Variants in XCR1 observed in about 807,000 individuals in gnomAD.
The protein encoded by XCR1 is chemokine XC receptor 1.
For missense variants in XCR1, 356 were observed against 424.2 expected, an observed-to-expected ratio of 0.84 and a Z score of 1.41; for synonymous variants, 187 against 188.5, an observed-to-expected ratio of 0.99 and a Z score of 0.06.
At chr3:46,065,770 G>A (rs1349957678) in intron 4 of XCR1, among the ~76,000 whole-genome samples, 1 of 152,194 alleles carries the variant, frequency 6.6e-6, no homozygotes, top group Non-Finnish European at 1.5e-5. Flanking sequence ...AATGACCAAG[G>A]TTAGCACTTA....
intron 5 of XCR1, among the ~76,000 whole-genome samples, chr3:46,049,198 G>A (rs773656450): frequency 6.6e-5 from 10 of 152,152 alleles, no homozygotes; most frequent in Non-Finnish European, 1.5e-4. Context: ...ATTTCATTTG[G>A]AGCCAAACCT....
intron 1 of XCR1, among the ~76,000 whole-genome samples, chr3:46,078,388 T>C (rs1698298215): frequency 1.3e-5 from 2 of 152,162 alleles, no homozygotes; most frequent in Admixed American, 6.5e-5. Flanking sequence ...ATGTAAGGTA[T>C]GAGTCCTGCT....
chr3:46,031,182 T>C (rs1708387761), upstream of XCR1, among the ~76,000 whole-genome samples: 1 of 152,218 alleles, frequency 6.6e-6, no homozygotes, highest in Admixed American at 6.5e-5. Flanking sequence ...ACCCCTGTGC[T>C]CTTGGGAGCT....
intron 4 of XCR1, among the ~76,000 whole-genome samples, chr3:46,054,396 T>C (rs549191609): frequency 6.6e-6 from 1 of 152,160 alleles, no homozygotes; most frequent in Non-Finnish European, 1.5e-5. Flanking sequence ...GCGTTCATGA[T>C]AAACAGTTTG....
intron 4 of XCR1, among the ~76,000 whole-genome samples, chr3:46,064,406 C>G (rs1266892234): frequency 6.6e-6 from 1 of 152,170 alleles, no homozygotes; most frequent in Non-Finnish European, 1.5e-5. Flanking sequence ...CACAATGAGC[C>G]TTGCAAGTTT....
At chr3:46,050,691 T>C (rs1697723162) in intron 5 of XCR1, among the ~76,000 whole-genome samples, 1 of 152,154 alleles carries the variant, frequency 6.6e-6, no homozygotes, top group Non-Finnish European at 1.5e-5. Context: ...CCATTGATAG[T>C]GAGACACGTT....
chr3:46,042,008 A>G (rs1697544594), intron 5 of XCR1, among the ~76,000 whole-genome samples: 1 of 152,222 alleles, frequency 6.6e-6, no homozygotes, highest in Non-Finnish European at 1.5e-5. Context: ...TGTCTCCGTG[A>G]CTGGCTTTCT....
intron 4 of XCR1, among the ~76,000 whole-genome samples, chr3:46,060,340 T>C (rs183948448): frequency 2.0e-5 from 3 of 152,294 alleles, no homozygotes; most frequent in Non-Finnish European, 4.4e-5. Flanking sequence ...TAGTTCTCCA[T>C]TGACTTTAAT....
At chr3:46,077,049 C>T (rs1404166388) in intron 1 of XCR1, among the ~76,000 whole-genome samples, 1 of 152,184 alleles carries the variant, frequency 6.6e-6, no homozygotes. Context: ...GTAGTTACCT[C>T]TTGAAGCCAC....
chr3:46,033,694 T>G lies in XCR1; in HGVS notation c.-31-11716A>C, dbSNP rs1019124233. 4.7e-4 allele frequency among the ~76,000 whole-genome samples: 72 copies of G among 152,230 alleles called. 1 individual carries two copies. The highest frequency in any genetic ancestry group is 1.0e-4 in the Non-Finnish European group (7 of 68,038). The stretch of plus-strand genomic sequence containing the variant: ...AAGCTTTAGAATCAGTTTGTTGATA[T>G]TCACAAAATAAATTGCTGGGTTTTG... On this transcript the variant is annotated intron_variant, in intron 5 of 5. Transcript: ENST00000683768.
intron 4 of XCR1, among the ~76,000 whole-genome samples, chr3:46,055,420 A>T (rs919463857): frequency 2.0e-4 from 31 of 152,056 alleles, no homozygotes; most frequent in African/African-American, 7.5e-4. Context: ...TAGTTTGAAG[A>T]CCCCTCCAGA....
chr3:46,054,546 C>A (rs2036292), intron 4 of XCR1, among the ~76,000 whole-genome samples: 2 of 150,626 alleles, frequency 1.3e-5, no homozygotes, highest in African/African-American at 5.0e-5. Flanking sequence ...CTCAAAAGGA[C>A]GAGGGGGGGG....
At chr3:46,085,081 G>A (rs752219207) in intron 1 of XCR1, among the ~76,000 whole-genome samples, 1 of 152,012 alleles carries the variant, frequency 6.6e-6, no homozygotes, top group African/African-American at 2.4e-5. Flanking sequence ...ATTACATTTT[G>A]TGCTCAGCTT....
chr3:46,075,875 TA>T (rs1575443215), intron 2 of XCR1, among the ~76,000 whole-genome samples: 1 of 152,134 alleles, frequency 6.6e-6, no homozygotes, highest in African/African-American at 2.4e-5. Context: ...TCATAATAGT[TA>T]AAACAGTAAA....
At chr3:46,082,067 A>C (rs1698377752) in intron 1 of XCR1, among the ~76,000 whole-genome samples, 1 of 152,186 alleles carries the variant, frequency 6.6e-6, no homozygotes, top group African/African-American at 2.4e-5. Context: ...AAAGGCATTG[A>C]TGCATAGATT....
In XCR1 at chr3:46,024,016, A is replaced by G. The variant is rs371607473; in HGVS notation, c.-31-2038T>C. ...TTCAGAAACTGCTACAGCCTCCTCAACCTGGCAGAAGTTTGCAGCAAATGC... is the reference window on the plus strand; with the variant it reads ...TTCAGAAACTGCTACAGCCTCCTCAGCCTGGCAGAAGTTTGCAGCAAATGC... On this transcript the variant is annotated intron_variant, in intron 1 of 1. Coordinates refer to ENST00000309285, the MANE Select transcript of XCR1 (RefSeq NM_001024644.2). 9.8e-5 allele frequency: 134 copies of G among 1,363,918 alleles called. 1 individual carries two copies. In the East Asian group the frequency reaches 1.2e-3, roughly 12 times the overall value. 84.5% of individuals were successfully genotyped at this position (1,363,918 alleles called of 1,614,324 possible).
rs1708162285 is a variant in XCR1, at chr3:46,021,899, G to A, written c.49C>T (p.Leu17Phe). ...TGGTTCTCACACGGCTGGCTCTGAAGGTCATAGTAAAAAAAGGTGGTGCTC... is the reference window on the plus strand; with the variant it reads ...TGGTTCTCACACGGCTGGCTCTGAAAGTCATAGTAAAAAAAGGTGGTGCTC... ...PESTTFFYYD[L>F]QSQPCENQAW... Residue 17 changes from leucine (L) to phenylalanine (F), a missense_variant, in exon 2 of 2, where the codon CTT (leucine) becomes TTT (phenylalanine). Leu to Phe is a conservative substitution (Grantham distance 22). Transcript: ENST00000309285. The surrounding 1 kb of genome is among the most constrained non-coding windows in gnomAD (Gnocchi z 4.7). The A allele has an allele frequency of 6.2e-7, 1 of 1,613,850 alleles. No individual in the cohort carries two copies. The highest frequency in any genetic ancestry group is 1.3e-5 in the African/African-American group (1 of 74,904).
upstream of XCR1, among the ~76,000 whole-genome samples, chr3:46,030,826 C>A (rs1708381864): frequency 6.6e-6 from 1 of 152,268 alleles, no homozygotes; most frequent in Admixed American, 6.5e-5. Context: ...CATGGCCGGG[C>A]AGGACCTACT....
chr3:46,030,665 G>A (rs1370604060), upstream of XCR1, among the ~76,000 whole-genome samples: 1 of 152,218 alleles, frequency 6.6e-6, no homozygotes, highest in African/African-American at 2.4e-5. Flanking sequence ...CAGAGCAGCT[G>A]CTACCATCAT....
Sources: gnomAD v4.1 joint callset for allele counts (sites outside exome capture counted in the v4.1 genomes callset) on GRCh38, gnomAD v4.1.1 for gene constraint, Gnocchi (gnomAD v3.1) non-coding constraint, MANE v1.5 for transcripts, NCBI Gene and HGNC (gene_info 2026-07-23, HGNC 2026-07-21) for gene names.